ZFP64: variants seen among roughly 807,000 people sequenced by gnomAD.
ZFP64 encodes zinc finger protein 64.
A neutral mutation model predicts 51.6 loss-of-function variants in ZFP64; 14 were observed. The observed-to-expected ratio is 0.27, with a 90% CI of 0.18 to 0.42. The LOEUF is 0.42. ZFP64 is among the 10% of genes least tolerant of loss of function. The pLI, the probability that ZFP64 is intolerant of heterozygous loss-of-function variation, is 1.00. For missense variants in ZFP64, 754 were observed against 906.8 expected, an observed-to-expected ratio of 0.83 and a Z score of 2.16; for synonymous variants, 375 against 361.4, an observed-to-expected ratio of 1.04 and a Z score of -0.43.
chr20:52,088,478 G>C, exon 8 of ZFP64: 1 of 1,614,218 alleles, frequency 6.2e-7, no homozygotes, highest in Non-Finnish European at 8.5e-7. Flanking sequence ...CCGCTCATCA[G>C]AGTGGATCCG....
chr20:52,100,784 T>C (rs2079042159), intron 5 of ZFP64, among the ~76,000 whole-genome samples: 1 of 152,330 alleles, frequency 6.6e-6, no homozygotes, highest in South Asian at 2.1e-4. Context: ...TTTCTGAGCT[T>C]CAGTTTACTC....
intron 5 of ZFP64, among the ~76,000 whole-genome samples, chr20:52,130,511 G>A (rs1023180788): frequency 3.3e-5 from 5 of 151,968 alleles, no homozygotes; most frequent in African/African-American, 7.2e-5. Flanking sequence ...ACTGCACCCC[G>A]TCCATTCTGC....
At position 52,157,834 on chromosome 20, in the gene ZFP64, G is replaced by A. The variant is rs1361407417; in HGVS notation, c.763+2289C>T. ...TCCCTCCCCTAGCCTCCCACCCCTT[G>A]ACAGGCCCCAGTGTGTGATGTTCCC... On this transcript the variant is annotated intron_variant, in intron 5 of 5. Coordinates refer to ENST00000216923, the MANE Select transcript of ZFP64 (RefSeq NM_018197.3). 3.3e-5 allele frequency among the ~76,000 whole-genome samples: 5 copies of A among 151,932 alleles called. No homozygotes were observed. In the South Asian group the frequency reaches 8.3e-4, roughly 25 times the overall value.
chr20:52,123,965 G>A (rs575615857), intron 5 of ZFP64, among the ~76,000 whole-genome samples: 9 of 152,076 alleles, frequency 5.9e-5, no homozygotes, highest in Non-Finnish European at 1.0e-4. Context: ...CACCTCCTGG[G>A]TTCACGCCAT....
At chr20:52,101,124 T>C (rs2079045513) in intron 5 of ZFP64, among the ~76,000 whole-genome samples, 1 of 152,180 alleles carries the variant, frequency 6.6e-6, no homozygotes, top group African/African-American at 2.4e-5. Context: ...AGACATCCTA[T>C]AGGGCATAGG....
chr20:52,142,417 C>CACAA (rs1024276810), intron 5 of ZFP64, among the ~76,000 whole-genome samples: 8 of 147,338 alleles, frequency 5.4e-5, no homozygotes, highest in East Asian at 2.1e-4. Context: ...CACACACACA[C>CACAA]AAATTGCTTA....
intron 2 of ZFP64, among the ~76,000 whole-genome samples, chr20:52,169,521 G>C (rs551976429): frequency 3.9e-5 from 6 of 152,196 alleles, no homozygotes; most frequent in Admixed American, 1.3e-4. Flanking sequence ...GCACTCTCTT[G>C]AAAGGTAGGT....
intron 5 of ZFP64, among the ~76,000 whole-genome samples, chr20:52,103,704 C>T (rs1245179539): frequency 2.6e-5 from 4 of 152,202 alleles, no homozygotes; most frequent in Non-Finnish European, 2.9e-5. Context: ...CCAACTTCCC[C>T]GAGGCGCAGA....
chr20:52,109,621 A>G (rs1978439545), intron 5 of ZFP64, among the ~76,000 whole-genome samples: 1 of 151,964 alleles, frequency 6.6e-6, no homozygotes, highest in Non-Finnish European at 1.5e-5. Context: ...TCTACTAAAA[A>G]TAAATAAAAA....
Position 52,191,273 on chromosome 20 carries a change from G to C in ZFP64, c.46+318C>G, listed in dbSNP as rs896250700. 1.3e-5 allele frequency among the ~76,000 whole-genome samples: 2 copies of C among 152,112 alleles called. No homozygotes were observed. Among genetic ancestry groups the C allele is most frequent in the East Asian group, 3.9e-4 (2 of 5,170 alleles). ...CTTTCTCCTGCCCGCCCCAAACTCC[G>C]CCTGATGGGGCGGGAATGCCCTTAG... On this transcript the variant is annotated intron_variant, in intron 1 of 5. Transcript: ENST00000216923. The surrounding 1 kb of genome is among the most constrained non-coding windows in gnomAD (Gnocchi z 4.3).
rs1979988077 is a variant in ZFP64, at chr20:52,136,476, T to C, written c.763+23647A>G. On this transcript the variant is annotated intron_variant, in intron 5 of 8. Transcript: ENST00000361387. ...AAAAAATTAAAATAATTGAGAAATA[T>C]TGCTATAACAATACAACTTGTATTT... is the stretch of plus-strand genomic sequence containing the variant. Among the ~76,000 whole-genome samples, 4 of 152,262 alleles carry C rather than the reference T, an allele frequency of 2.6e-5. No homozygotes were observed. The South Asian group carries it at 8.3e-4, about 32-fold the overall frequency.
rs890853967 is a variant in ZFP64, at chr20:52,173,877, C to T, written c.287-7852G>A. 4.6e-5 allele frequency among the ~76,000 whole-genome samples: 7 copies of T among 152,106 alleles called. No homozygotes were observed. The East Asian group carries it at 1.4e-3, about 30-fold the overall frequency. ...GTTGGTCAGGCTCATCTTGAACTCC[C>T]GACCTCAAGTAATCTCCCTGCCTTG... On this transcript the variant is annotated intron_variant, in intron 2 of 5. Transcript: ENST00000216923.
At chr20:52,128,624 T>C (rs551643779) in intron 5 of ZFP64, among the ~76,000 whole-genome samples, 10 of 152,284 alleles carry the variant, frequency 6.6e-5, no homozygotes, top group Admixed American at 2.6e-4. Context: ...AAAACTGACC[T>C]GAGGGAGGTG....
chr20:52,118,145 C>A (rs1978977550), intron 5 of ZFP64, among the ~76,000 whole-genome samples: 1 of 152,104 alleles, frequency 6.6e-6, no homozygotes, highest in African/African-American at 2.4e-5. Context: ...TACTAGTGCA[C>A]AAACTCAGTT....
rs969626371 is a variant in ZFP64 at position 52,110,785 on chromosome 20, G to A, written c.764-12198C>T. On this transcript the variant is annotated intron_variant, in intron 5 of 8. Transcript: ENST00000361387. ...CCCCTCCCGGGAGAGGTAGAAGACT[G>A]GGTAGCTCTCTTTGAGCAGCTTGTA... The A allele has an allele frequency of 1.9e-6, 3 of 1,591,248 alleles. No homozygotes were observed. The African/African-American group carries it at 4.0e-5, about 21-fold the overall frequency.
Position 52,096,811 on chromosome 20 carries a change from C to T in ZFP64, c.976+562G>A, listed in dbSNP as rs574510164. 1.1e-3 allele frequency: 270 copies of T among 253,812 alleles called. 6 individuals carry two copies. The South Asian group carries it at 0.012, about 11-fold the overall frequency. 15.7% of individuals were successfully genotyped at this position (253,812 alleles called of 1,614,324 possible). ...GGCTGGGGCAGGAGAATCACTTGAA[C>T]CTGGGAGGCAGGGGTCGCAATGAAC... On this transcript the variant is annotated intron_variant, in intron 7 of 8. Coordinates refer to the ZFP64 transcript ENST00000361387.
At chr20:52,112,614 C>CT (rs138459074) in intron 5 of ZFP64, among the ~76,000 whole-genome samples, 63 of 134,418 alleles carry the variant, frequency 4.7e-4, no homozygotes, top group Middle Eastern at 3.8e-3. Flanking sequence ...GTTCTCCTTC[C>CT]TTTTTTTTTT....
At chr20:52,189,561 C>T (rs553174749) in intron 1 of ZFP64, among the ~76,000 whole-genome samples, 7 of 151,530 alleles carry the variant, frequency 4.6e-5, no homozygotes, top group South Asian at 2.1e-4. Flanking sequence ...CTGCAACCTC[C>T]GCCTCCTAGG....
At chr20:52,135,853 C>A (rs1182626022) in intron 5 of ZFP64, among the ~76,000 whole-genome samples, 1 of 151,710 alleles carries the variant, frequency 6.6e-6, no homozygotes, top group African/African-American at 2.4e-5. Flanking sequence ...AATGCCAGCA[C>A]TTTGGGAGGC....
Sources: gnomAD v4.1 joint callset for allele counts (sites outside exome capture counted in the v4.1 genomes callset) on GRCh38, gnomAD v4.1.1 for gene constraint, Gnocchi (gnomAD v3.1) non-coding constraint, MANE v1.5 for transcripts, NCBI Gene and HGNC (gene_info 2026-07-23, HGNC 2026-07-21) for gene names.